Variants in CTNNA3 observed in about 807,000 individuals in gnomAD.
CTNNA3 encodes the protein catenin alpha-3.
In CTNNA3, 76 loss-of-function variants were observed where a neutral mutation model predicts 95.7. The ratio of observed to expected loss-of-function variants is 0.79; its 90% CI spans 0.66 to 0.96. The LOEUF (loss-of-function observed/expected upper bound fraction) is 0.96. Ranked by LOEUF, CTNNA3 falls within the 40% of genes least tolerant of loss-of-function variation. The probability of loss-of-function intolerance (pLI) is 0.00; values close to 1 mark genes in which losing one functional copy is unlikely to be tolerated. For synonymous variants in CTNNA3, 431 were observed against 374.4 expected, an observed-to-expected ratio of 1.15 and a Z score of -1.74; for missense variants, 1,191 against 1,089.8, an observed-to-expected ratio of 1.09 and a Z score of -1.31.
intron 15 of CTNNA3, among the ~76,000 whole-genome samples, chr10:66,041,337 A>G (rs2079684136): frequency 6.6e-6 from 1 of 152,210 alleles, no homozygotes; most frequent in East Asian, 1.9e-4. Flanking sequence ...TCCAATTAGT[A>G]AAAGAACTGG....
At chr10:66,608,473 A>G (rs929811905) in intron 10 of CTNNA3, among the ~76,000 whole-genome samples, 13 of 152,190 alleles carry the variant, frequency 8.5e-5, no homozygotes, top group Admixed American at 6.5e-5. Context: ...TGGAACAAAA[A>G]GAGCCCGAAT....
intron 7 of CTNNA3, among the ~76,000 whole-genome samples, chr10:66,827,043 A>C (rs1460919331): frequency 6.6e-6 from 1 of 152,154 alleles, no homozygotes; most frequent in Admixed American, 6.5e-5. Flanking sequence ...CAGCACCTGC[A>C]GCATCAACCT....
chr10:67,359,239 T>TAA lies in CTNNA3; in HGVS notation c.580-139371_580-139370dup, dbSNP rs958948530. Among the ~76,000 whole-genome samples, 176 of 133,018 alleles carry TAA rather than the reference T, an allele frequency of 1.3e-3. 1 individual carries two copies. The highest frequency in any genetic ancestry group is 4.7e-3 in the African/African-American group (170 of 36,344). 87.3% of individuals were successfully genotyped at this position (133,018 alleles called of 152,430 possible). A position where few individuals can be genotyped will look rare whatever the true frequency, so the allele number is the denominator to read the frequency against. ...AAGGCCCATTCAAATGACATAACTT[T>TAA]AAAAAAAAAAAAAAAGAAAGAAACA... On this transcript the variant is annotated intron_variant, in intron 5 of 17. Coordinates refer to ENST00000433211, the MANE Select transcript of CTNNA3 (RefSeq NM_013266.4).
intron 5 of CTNNA3, among the ~76,000 whole-genome samples, chr10:67,504,868 T>G (rs1361475701): frequency 1.3e-5 from 2 of 152,246 alleles, no homozygotes; most frequent in Admixed American, 6.5e-5. Flanking sequence ...AAAATAAAGT[T>G]CAGGTACGCT....
At chr10:67,691,450 C>T (rs1368143157) in intron 1 of CTNNA3, among the ~76,000 whole-genome samples, 7 of 151,540 alleles carry the variant, frequency 4.6e-5, no homozygotes, top group East Asian at 2.0e-4. Context: ...AAGTGAGGAG[C>T]GCCTCTTCCC....
chr10:67,055,284 C>T (rs1470674555), intron 7 of CTNNA3, among the ~76,000 whole-genome samples: 1 of 152,150 alleles, frequency 6.6e-6, no homozygotes, highest in African/African-American at 2.4e-5. Flanking sequence ...TAAAACTTCT[C>T]ATAATTTCCC....
intron 5 of CTNNA3, among the ~76,000 whole-genome samples, chr10:67,477,401 T>C (rs1848057840): frequency 6.6e-6 from 1 of 152,116 alleles, no homozygotes; most frequent in Admixed American, 6.5e-5. Context: ...CTCCATGAAT[T>C]AGCCCACTGC....
chr10:66,294,657 A>G (rs1396882905), intron 12 of CTNNA3, among the ~76,000 whole-genome samples: 1 of 152,174 alleles, frequency 6.6e-6, no homozygotes, highest in East Asian at 1.9e-4. Context: ...TGGTACTGAG[A>G]TAGAAACTTC....
chr10:67,118,101 C>A (rs1011218515), intron 7 of CTNNA3, among the ~76,000 whole-genome samples: 3 of 151,938 alleles, frequency 2.0e-5, no homozygotes, highest in African/African-American at 7.2e-5. Flanking sequence ...GTGGGCGCAT[C>A]TAAGACATCT....
intron 11 of CTNNA3, among the ~76,000 whole-genome samples, chr10:66,462,405 C>A (rs879656869): frequency 6.6e-6 from 1 of 151,772 alleles, no homozygotes; most frequent in Non-Finnish European, 1.5e-5. Flanking sequence ...TTTTTTTATT[C>A]TTAGTGTATA....
chr10:66,044,366 TCAAA>T (rs1332355539), intron 15 of CTNNA3, among the ~76,000 whole-genome samples: 9 of 151,592 alleles, frequency 5.9e-5, no homozygotes, highest in Non-Finnish European at 4.4e-5. Flanking sequence ...CAAAAGCAAA[TCAAA>T]CAAATGCTTA....
chr10:67,061,311 A>G (rs779048482), intron 7 of CTNNA3, among the ~76,000 whole-genome samples: 1 of 152,214 alleles, frequency 6.6e-6, no homozygotes, highest in Non-Finnish European at 1.5e-5. Flanking sequence ...CATCAGGTGC[A>G]TATTGCTACA....
intron 5 of CTNNA3, among the ~76,000 whole-genome samples, chr10:67,417,549 T>C (rs1323974839): frequency 1.3e-5 from 2 of 152,184 alleles, no homozygotes; most frequent in Admixed American, 6.5e-5. Flanking sequence ...AAAGTCCTTA[T>C]AGAAAGCCGG....
chr10:67,654,599 CCACT>C (rs1209859974), intron 1 of CTNNA3, among the ~76,000 whole-genome samples: 1 of 152,028 alleles, frequency 6.6e-6, no homozygotes, highest in Non-Finnish European at 1.5e-5. Flanking sequence ...AGCAATCCTC[CCACT>C]CAGCCTCTCA....
chr10:66,292,648 T>C (rs1310667543), intron 12 of CTNNA3, among the ~76,000 whole-genome samples: 1 of 152,108 alleles, frequency 6.6e-6, no homozygotes, highest in Non-Finnish European at 1.5e-5. Context: ...TTAATAAGGA[T>C]AAAACCCAAA....
chr10:66,475,805 C>T (rs1311172620), intron 11 of CTNNA3, among the ~76,000 whole-genome samples: 4 of 151,904 alleles, frequency 2.6e-5, no homozygotes, highest in Admixed American at 6.6e-5. Context: ...GACATTGTGA[C>T]GATTCCTCAG....
intron 13 of CTNNA3, among the ~76,000 whole-genome samples, chr10:66,150,277 C>T (rs186248958): frequency 1.4e-3 from 219 of 152,262 alleles, no homozygotes; most frequent in African/African-American, 5.1e-3. Flanking sequence ...CTGGCACCAT[C>T]CATGTAAGAT....
rs545514398 is a variant in CTNNA3 at position 67,649,470 on chromosome 10, T to C, written c.-5-1952A>G. Among the ~76,000 whole-genome samples, 8 of 152,362 alleles carry C rather than the reference T, an allele frequency of 5.3e-5. No individual in the cohort carries two copies. In the South Asian group the frequency reaches 1.7e-3, roughly 32 times the overall value. ...AAGACAACCTAATTTAGCCAAAGTA[T>C]CTTTTAAGTCTGTGTTCATGTCTTT... On this transcript the variant is annotated intron_variant, in intron 1 of 17. Transcript: ENST00000433211.
intron 5 of CTNNA3, among the ~76,000 whole-genome samples, chr10:67,484,234 T>C (rs550936696): frequency 1.3e-5 from 2 of 152,302 alleles, no homozygotes; most frequent in South Asian, 4.1e-4. Context: ...GGACTCCCTA[T>C]TCAATAAATA....
Sources: allele counts gnomAD v4.1 joint callset (sites outside exome capture counted in the v4.1 genomes callset), GRCh38; gene constraint gnomAD v4.1.1; transcripts MANE v1.5; gene names NCBI Gene and HGNC (gene_info 2026-07-23, HGNC 2026-07-21).